The following CHRM3 variants were observed in gnomAD, a reference collection of about 807,000 sequenced individuals.
CHRM3 encodes cholinergic receptor muscarinic 3, also known as muscarinic acetylcholine receptor M3.
In CHRM3, 11 loss-of-function variants were observed where a neutral mutation model predicts 41.8. The ratio of observed to expected loss-of-function variants is 0.26; its 90% confidence interval spans 0.17 to 0.44. CHRM3 has a LOEUF of 0.44. Ranked by LOEUF, CHRM3 falls within the 20% of genes least tolerant of loss-of-function variation. The pLI is 1.00. For missense variants in CHRM3, 571 were observed against 745.4 expected (o/e 0.77, Z 2.72); for synonymous variants, 297 against 301.4 (o/e 0.99, Z 0.15).
chr1:239,738,634 A>G (rs1476360797), intron 5 of CHRM3, among the ~76,000 whole-genome samples: 1 of 152,160 alleles, frequency 6.6e-6, no homozygotes, highest in African/African-American at 2.4e-5. Flanking sequence ...ATGATTGAAC[A>G]TGAGGAATGA....
intron 3 of CHRM3, among the ~76,000 whole-genome samples, chr1:239,590,476 T>C (rs898579594): frequency 6.6e-6 from 1 of 152,202 alleles, no homozygotes; most frequent in African/African-American, 2.4e-5. Context: ...CCAGTTCTCC[T>C]GAATGTGGGT....
In CHRM3 at chr1:239,832,603, T is replaced by C. The variant is rs537540990; in HGVS notation, c.-20+5225T>C. 4.6e-5 allele frequency among the ~76,000 whole-genome samples: 7 copies of C among 151,918 alleles called. No individual in the cohort carries two copies. The East Asian group carries it at 7.8e-4, about 17-fold the overall frequency. The stretch of plus-strand genomic sequence containing the variant: ...GTCCGCAGTGCAAAGCAAAAGTAAA[T>C]TTAGTAAGAAAGTAAAATGGTGAAA... On this transcript the variant is annotated intron_variant, in intron 6 of 6. Transcript: ENST00000676153.
intron 4 of CHRM3, among the ~76,000 whole-genome samples, chr1:239,663,416 G>A (rs1673461197): frequency 6.6e-6 from 1 of 152,112 alleles, no homozygotes; most frequent in African/African-American, 2.4e-5. Flanking sequence ...CCCTGGAGAG[G>A]GAAAGCTGAA....
intron 1 of CHRM3, among the ~76,000 whole-genome samples, chr1:239,419,105 A>G: frequency 6.6e-6 from 1 of 152,224 alleles, no homozygotes; most frequent in East Asian, 1.9e-4. Context: ...CATAGGGTTA[A>G]AGTAGGAGGG....
At chr1:239,719,515 G>A (rs565025948) in intron 5 of CHRM3, 4 of 151,938 alleles carry the variant, frequency 2.6e-5, no homozygotes, top group South Asian at 2.1e-4. Context: ...TCAAGCCACC[G>A]GGTAATTCTG....
intron 3 of CHRM3, among the ~76,000 whole-genome samples, chr1:239,593,464 G>A (rs1270952896): frequency 1.5e-5 from 2 of 134,690 alleles, no homozygotes; most frequent in African/African-American, 5.2e-5. Flanking sequence ...TATTTCTTAC[G>A]TTAGACCATT....
In CHRM3 at chr1:239,500,644, G is replaced by A. The variant is rs533195736; in HGVS notation, c.-422+7837G>A. 2.5e-3 allele frequency among the ~76,000 whole-genome samples: 365 copies of A among 147,736 alleles called. 1 individual carries two copies. Among genetic ancestry groups the A allele is most frequent in the Non-Finnish European group, 3.8e-3 (253 of 66,906 alleles). On this transcript the variant is annotated intron_variant, in intron 2 of 6. Coordinates refer to ENST00000676153, the MANE Select transcript of CHRM3 (RefSeq NM_001375978.1). ...AAAAAAAATAAAGTAATTAAATCCC[G>A]AAAAAAAAGCATAAATGACACAGAA...
At chr1:239,534,133 G>A (rs936081673) in intron 2 of CHRM3, among the ~76,000 whole-genome samples, 6 of 152,182 alleles carry the variant, frequency 3.9e-5, no homozygotes, top group Admixed American at 3.9e-4. Flanking sequence ...TTCGAGACCA[G>A]CCTGGCCAAC....
intron 5 of CHRM3, among the ~76,000 whole-genome samples, chr1:239,813,200 C>T (rs967906752): frequency 6.6e-6 from 1 of 151,998 alleles, no homozygotes; most frequent in Non-Finnish European, 1.5e-5. Context: ...ATCGCTTGAA[C>T]CCGGGAGGCA....
intron 1 of CHRM3, among the ~76,000 whole-genome samples, chr1:239,403,373 G>A (rs1426701455): frequency 6.6e-6 from 1 of 152,132 alleles, no homozygotes; most frequent in East Asian, 1.9e-4. Context: ...CCCTTTGGAG[G>A]AGAAAAAGAA....
intron 1 of CHRM3, among the ~76,000 whole-genome samples, chr1:239,486,269 G>C (rs543943789): frequency 4.6e-5 from 7 of 152,250 alleles, no homozygotes; most frequent in African/African-American, 1.4e-4. Flanking sequence ...TTAGCCTAGT[G>C]TTCAAGGATT....
chr1:239,833,012 T>C (rs889429377), intron 6 of CHRM3, among the ~76,000 whole-genome samples: 1 of 152,086 alleles, frequency 6.6e-6, no homozygotes, highest in African/African-American at 2.4e-5. Context: ...TCATTCAAGA[T>C]GGGGTCTCTC....
At chr1:239,534,847 G>A in intron 2 of CHRM3, among the ~76,000 whole-genome samples, 1 of 152,200 alleles carries the variant, frequency 6.6e-6, no homozygotes, top group East Asian at 1.9e-4. Flanking sequence ...TTTGATTTTA[G>A]TAAGGTTATC....
intron 6 of CHRM3, among the ~76,000 whole-genome samples, chr1:239,858,741 A>G (rs903587954): frequency 6.6e-6 from 1 of 152,192 alleles, no homozygotes; most frequent in Non-Finnish European, 1.5e-5. Flanking sequence ...CCCTGCATCC[A>G]TTAAGCAGTG....
At chr1:239,400,569 G>A (rs990861660) in intron 1 of CHRM3, among the ~76,000 whole-genome samples, 3 of 152,020 alleles carry the variant, frequency 2.0e-5, no homozygotes, top group African/African-American at 7.2e-5. Flanking sequence ...TTCTTATGGT[G>A]GTTTCAGAGT....
intron 6 of CHRM3, among the ~76,000 whole-genome samples, chr1:239,831,432 G>A (rs1672889087): frequency 6.6e-6 from 1 of 152,120 alleles, no homozygotes; most frequent in Non-Finnish European, 1.5e-5. Flanking sequence ...AGGCAACACA[G>A]TGTCACAATA....
intron 3 of CHRM3, among the ~76,000 whole-genome samples, chr1:239,569,952 G>A (rs958012123): frequency 6.6e-6 from 1 of 152,158 alleles, no homozygotes; most frequent in Non-Finnish European, 1.5e-5. Flanking sequence ...TGATTCTCAA[G>A]TAGGCTACCC....
intron 5 of CHRM3, among the ~76,000 whole-genome samples, chr1:239,681,520 T>C (rs189322214): frequency 1.2e-4 from 18 of 152,098 alleles, no homozygotes; most frequent in African/African-American, 3.9e-4. Context: ...TGAAAGACTA[T>C]AAAAAAGATC....
rs534835931 is a variant in CHRM3 at position 239,677,986 on chromosome 1, C to T, written c.-249-200C>T. Among the ~76,000 whole-genome samples the T allele has an allele frequency of 1.6e-4, 24 of 152,252 alleles. 1 individual carries two copies. The highest frequency in any genetic ancestry group is 3.4e-3 in the Middle Eastern group (1 of 294). On this transcript the variant is annotated intron_variant, in intron 4 of 6. Coordinates refer to ENST00000676153, the MANE Select transcript of CHRM3 (RefSeq NM_001375978.1). Reference sequence around the variant, plus strand: ...TTTCCCCAGTAACTGCTGTGGATCGCGCCCTCAGCGGGATACTAACAGGTG... The same window carrying T: ...TTTCCCCAGTAACTGCTGTGGATCGTGCCCTCAGCGGGATACTAACAGGTG...
Sources: allele counts gnomAD v4.1 joint callset (sites outside exome capture counted in the v4.1 genomes callset), GRCh38; gene constraint gnomAD v4.1.1; transcripts MANE v1.5; gene names NCBI Gene and HGNC (gene_info 2026-07-23, HGNC 2026-07-21).